Variants in GTF2H1 observed in about 807,000 individuals in gnomAD.
GTF2H1 encodes general transcription factor IIH subunit 1.
In GTF2H1, 16 loss-of-function variants were observed where a neutral mutation model predicts 71.2. The observed-to-expected ratio is 0.22, with a 90% CI of 0.15 to 0.34. The LOEUF is 0.34. Among genes scored for constraint, GTF2H1 ranks in the 10% least tolerant of loss-of-function variants. The pLI, the probability that GTF2H1 is intolerant of heterozygous loss-of-function variation, is 1.00. For missense variants in GTF2H1, 498 were observed against 648.2 expected (o/e 0.77, Z 2.52); for synonymous variants, 215 against 219.0 (o/e 0.98, Z 0.16).
At chr11:18,342,645 A>G (rs1865187434) in intron 7 of GTF2H1, among the ~76,000 whole-genome samples, 1 of 152,184 alleles carries the variant, frequency 6.6e-6, no homozygotes, top group Admixed American at 6.5e-5. Context: ...ATCTATACAA[A>G]CATGGCCCTC....
At chr11:18,358,244 T>C (rs1865608480) in intron 12 of GTF2H1, 1 of 597,024 alleles carries the variant, frequency 1.7e-6, no homozygotes, top group Non-Finnish European at 3.0e-6. Flanking sequence ...TTACAAATAG[T>C]GGTACATTGC....
At chr11:18,360,320 A>T (rs1405690885) in intron 13 of GTF2H1, among the ~76,000 whole-genome samples, 1 of 151,834 alleles carries the variant, frequency 6.6e-6, no homozygotes. Flanking sequence ...ACGGGGTTTC[A>T]CCATGTTAGC....
chr11:18,327,806 C>T (rs1190377844), intron 1 of GTF2H1, among the ~76,000 whole-genome samples: 1 of 152,144 alleles, frequency 6.6e-6, no homozygotes, highest in Admixed American at 6.5e-5. Flanking sequence ...ACGGGCTGGT[C>T]GCAAACTCCT....
intron 2 of GTF2H1, among the ~76,000 whole-genome samples, chr11:18,333,989 C>T (rs747000902): frequency 9.2e-5 from 14 of 152,138 alleles, no homozygotes; most frequent in Non-Finnish European, 1.9e-4. Flanking sequence ...CACCTGTAAT[C>T]CCAGAAGTTT....
intron 11 of GTF2H1, 49 bp from the exon 12 acceptor site, chr11:18,357,899 CAAAA>C (rs113577976): frequency 5.7e-6 from 5 of 880,426 alleles, no homozygotes; most frequent in Admixed American, 4.3e-5. Flanking sequence ...AGAGAGGTGG[CAAAA>C]AAAAAAAAGG....
At chr11:18,328,835 AAG>A (rs1864830945) in intron 1 of GTF2H1, among the ~76,000 whole-genome samples, 1 of 152,180 alleles carries the variant, frequency 6.6e-6, no homozygotes, top group African/African-American at 2.4e-5. Flanking sequence ...AAAAAAAAAA[AAG>A]AATATGGAAT....
chr11:18,338,052 C>A, intron 3 of GTF2H1, 57 bp from the exon 4 acceptor site: 2 of 1,155,232 alleles, frequency 1.7e-6, no homozygotes, highest in Admixed American at 2.0e-5. Context: ...TTAAAATGTA[C>A]CTACATGGTG....
At chr11:18,360,521 A>G in intron 13 of GTF2H1, 94 bp from the exon 14 acceptor site, 2 of 613,020 alleles carry the variant, frequency 3.3e-6, no homozygotes, top group East Asian at 3.0e-5. Flanking sequence ...AAAATTCTAC[A>G]AGAAAAGTAA....
intron 7 of GTF2H1, among the ~76,000 whole-genome samples, chr11:18,344,355 C>T (rs370246778): frequency 2.0e-5 from 3 of 152,184 alleles, no homozygotes; most frequent in Middle Eastern, 3.4e-3. Flanking sequence ...CGTGGTGGCT[C>T]GTGCCTGTGA....
intron 11 of GTF2H1, among the ~76,000 whole-genome samples, chr11:18,354,103 T>C (rs938705316): frequency 2.0e-5 from 3 of 152,222 alleles, no homozygotes; most frequent in Non-Finnish European, 4.4e-5. Flanking sequence ...AACTTTGACA[T>C]TGAAAGAGTA....
chr11:18,354,706 TGAAAG>T (rs542290266), intron 11 of GTF2H1, among the ~76,000 whole-genome samples: 54 of 152,368 alleles, frequency 3.5e-4, no homozygotes, highest in African/African-American at 1.1e-3. Context: ...TCAGCTGACA[TGAAAG>T]GAAGAGCATT....
intron 9 of GTF2H1, among the ~76,000 whole-genome samples, chr11:18,351,142 C>T (rs183410529): frequency 2.6e-5 from 4 of 151,912 alleles, no homozygotes; most frequent in South Asian, 2.1e-4. Flanking sequence ...AAAATTAAGC[C>T]GGAAGCTGAG....
intron 1 of GTF2H1, among the ~76,000 whole-genome samples, chr11:18,329,897 A>G (rs929667049): frequency 6.6e-6 from 1 of 152,254 alleles, no homozygotes; most frequent in Non-Finnish European, 1.5e-5. Context: ...AAAGGAGTAC[A>G]TACTGTATGA....
intron 7 of GTF2H1, among the ~76,000 whole-genome samples, chr11:18,345,465 A>G (rs1865268776): frequency 6.6e-6 from 1 of 151,652 alleles, no homozygotes. Context: ...ATCACTTAGT[A>G]ATTATTTGAT....
intron 1 of GTF2H1, chr11:18,325,949 T>A (rs987759573): frequency 1.3e-5 from 2 of 152,138 alleles, no homozygotes; most frequent in Non-Finnish European, 2.9e-5. Context: ...TCTTATAGAG[T>A]TCTCCTGGGA....
intron 14 of GTF2H1, among the ~76,000 whole-genome samples, chr11:18,362,668 C>CTT (rs35306497): frequency 7.4e-5 from 8 of 107,932 alleles, no homozygotes; most frequent in Non-Finnish European, 8.9e-5. Context: ...TTTTCTTTTT[C>CTT]TTTTTTTTTT....
chr11:18,344,327 A>G (rs778460744), intron 7 of GTF2H1, among the ~76,000 whole-genome samples: 1 of 152,150 alleles, frequency 6.6e-6, no homozygotes, highest in Non-Finnish European at 1.5e-5. Flanking sequence ...AGCAGTAATA[A>G]TTATAATATA....
intron 1 of GTF2H1, among the ~76,000 whole-genome samples, chr11:18,324,904 T>C (rs544675581): frequency 2.2e-4 from 33 of 152,364 alleles, no homozygotes; most frequent in African/African-American, 7.7e-4. Flanking sequence ...GTACAAGTGC[T>C]CAGTCCTAAA....
chr11:18,330,425 G>C (rs1213392203), intron 1 of GTF2H1, among the ~76,000 whole-genome samples: 1 of 152,234 alleles, frequency 6.6e-6, no homozygotes, highest in African/African-American at 2.4e-5. Context: ...TGACTGCAAG[G>C]AGACAAAAGC....
Sources: allele counts gnomAD v4.1 joint callset (sites outside exome capture counted in the v4.1 genomes callset), GRCh38; gene constraint gnomAD v4.1.1; transcripts MANE v1.5; gene names NCBI Gene and HGNC (gene_info 2026-07-23, HGNC 2026-07-21).